CCDC116: variants seen among roughly 807,000 people sequenced by gnomAD.
CCDC116 encodes coiled-coil domain-containing protein 116.
In CCDC116, 24 loss-of-function variants were observed where a neutral mutation model predicts 29.4. The ratio of observed to expected loss-of-function variants is 0.82; its 90% confidence interval spans 0.59 to 1.15. The LOEUF (loss-of-function observed/expected upper bound fraction) is 1.15, where lower values mean the gene tolerates loss of function less well. Among genes scored for constraint, CCDC116 ranks in the 50% most tolerant of loss-of-function variants. The probability of loss-of-function intolerance (pLI) is 0.00; values close to 1 mark genes in which losing one functional copy is unlikely to be tolerated. For synonymous variants in CCDC116, 298 were observed against 331.4 expected, an observed-to-expected ratio of 0.90 and a Z score of 1.10; for missense variants, 791 against 804.0, an observed-to-expected ratio of 0.98 and a Z score of 0.20.
chr22:21,635,334 C>T, intron 4 of CCDC116, 68 bp downstream of exon 4: 1 of 1,355,736 alleles, frequency 7.4e-7, no homozygotes, highest in Non-Finnish European at 1.0e-6. Context: ...GCACCTGACT[C>T]AGATCCCAAA....
Position 21,634,482 on chromosome 22 carries a change from T to A in CCDC116, c.533T>A (p.Leu178Gln), listed in dbSNP as rs1266079990. Reference sequence around the variant, plus strand: ...GGCTCCCACAGCCGGGACAGTGACCTAGGTGCCCAAGGCTCATTGCCACCT... The same window carrying A: ...GGCTCCCACAGCCGGGACAGTGACCAAGGTGCCCAAGGCTCATTGCCACCT... ...CLGSHSRDSD[L>Q]GAQGSLPPVR... Residue 178 changes from leucine (L) to glutamine (Q), a missense_variant, in exon 3 of 5, where the codon CTA (leucine) becomes CAA (glutamine). By Grantham distance (113) the Leu-to-Gln change is moderately radical. Coordinates refer to ENST00000292779, the MANE Select transcript of CCDC116 (RefSeq NM_152612.3). 2 of 1,614,134 alleles carry A rather than the reference T, an allele frequency of 1.2e-6. No individual in the cohort carries two copies. Among genetic ancestry groups the A allele is most frequent in the Non-Finnish European group, 8.5e-7 (1 of 1,180,014 alleles).
At chr22:21,633,886 G>A in intron 2 of CCDC116, 136 bp from the exon 3 acceptor site, 1 of 849,658 alleles carries the variant, frequency 1.2e-6, no homozygotes, top group South Asian at 1.7e-5. Flanking sequence ...GCAGAGCCAG[G>A]GTCCAAACCC....
At chr22:21,633,091 C>G in intron 1 of CCDC116, 29 bp from the exon 2 acceptor site, 1 of 1,037,550 alleles carries the variant, frequency 9.6e-7, no homozygotes, top group Non-Finnish European at 1.5e-6. Flanking sequence ...CTATTGGAGA[C>G]CCTCAGGTTG....
chr22:21,634,245 C>A lies in CCDC116; in HGVS notation c.296C>A (p.Ala99Asp), dbSNP rs1930676124. The A allele has an allele frequency of 6.2e-7, 1 of 1,614,186 alleles. No individual in the cohort carries two copies. The change falls in exon 3 of 5, where the codon GCC becomes GAC. Residue 99 changes from alanine (A) to aspartate (D), a missense_variant. Physicochemically the swap from Ala to Asp is moderately radical, Grantham distance 126. Transcript: ENST00000292779. ...GAGAAGGCGACTGAGCGCATGGCTG[C>A]CATGAAGACGGAGGCTGGGGTGCCG... ...VVEKATERMA[A>D]MKTEAGVPLV...
At position 21,635,222 on chromosome 22, in the gene CCDC116, C is replaced by T. The variant is rs1356623525; in HGVS notation, c.1159C>T (p.Pro387Ser). Residue 387 changes from proline to serine, a missense_variant, in exon 4 of 5, where the codon CCC becomes TCC. Transcript: ENST00000292779. ...QRKRKDRGGS[P>S]SMSSAQVATR... ...AAAACGCAAGGACAGAGGAGGCTCC[C>T]CCTCCATGTCTAGTGCCCAGGTGGC... 6.3e-7 allele frequency: 1 copy of T among 1,599,798 alleles called. No homozygotes were observed.
chr22:21,636,458 G>A lies in CCDC116; in HGVS notation c.1230G>A (p.Thr410=), dbSNP rs372460387. The change falls in exon 5 of 5, where the codon ACG becomes ACA. Residue 410 remains threonine (T), a synonymous_variant. Transcript: ENST00000292779. ...LKSPCSSSRF[T]KKKPLPSISS... Reference sequence around the variant, plus strand: ...GCCCCTGCAGCAGCAGCAGGTTCACGAAGAAGAAGCCGCTGCCCTCCATCT... The same window carrying A: ...GCCCCTGCAGCAGCAGCAGGTTCACAAAGAAGAAGCCGCTGCCCTCCATCT... 20 of 1,613,314 alleles carry A rather than the reference G, an allele frequency of 1.2e-5. No individual in the cohort carries two copies. Among genetic ancestry groups the A allele is most frequent in the African/African-American group, 1.2e-4 (9 of 74,894 alleles).
In CCDC116 at chr22:21,636,775, C is replaced by T. The variant is rs779224760; in HGVS notation, c.1547C>T (p.Thr516Ile). The change falls in exon 5 of 5, where the codon ACC becomes ATC. Residue 516 changes from threonine to isoleucine, a missense_variant. Coordinates refer to ENST00000292779, the MANE Select transcript of CCDC116 (RefSeq NM_152612.3). ...GCCCGGCAGGCCTCCCGGCTCAGCACCTCCCACTGCAGCACAGAGACACCC... is the reference window on the plus strand; with the variant it reads ...GCCCGGCAGGCCTCCCGGCTCAGCATCTCCCACTGCAGCACAGAGACACCC... ...KRARQASRLS[T>I]SHCSTETPSV... The T allele has an allele frequency of 3.1e-6, 5 of 1,612,814 alleles. No individual in the cohort carries two copies. The South Asian group carries it at 4.4e-5, about 14-fold the overall frequency.
chr22:21,633,193 C>A lies in CCDC116; in HGVS notation c.12C>A (p.Cys4Ter). 6.4e-7 allele frequency: 1 copy of A among 1,550,612 alleles called. No homozygotes were observed. Among genetic ancestry groups the A allele is most frequent in the Non-Finnish European group, 8.7e-7 (1 of 1,146,894 alleles). The change falls in exon 2 of 5, where the codon TGC (cysteine) becomes TGA (stop). Residue 4 changes from cysteine (C) to a stop codon, truncating the protein, a stop_gained. Transcript: ENST00000292779. LOFTEE classifies it high-confidence loss of function. ...TGCCAGGTGACCACATGGCCAGGTG[C>A]CGCCACCACTCGGGTTACCTGGCCG... MAR[C>*]RHHSGYLADD...
chr22:21,634,871 C>T lies in CCDC116; in HGVS notation c.808C>T (p.Arg270Ter), dbSNP rs777433286. 16 of 1,613,834 alleles carry T rather than the reference C, an allele frequency of 9.9e-6. No homozygotes were observed. Among genetic ancestry groups the T allele is most frequent in the African/African-American group, 1.3e-5 (1 of 74,912 alleles). ...PGEQEPIFRKREFNKEIKSLL... is the reference protein window; with the variant it reads ...PGEQEPIFRK ...AGAACAGGAGCCAATCTTCCGCAAG[C>T]GAGAGTTCAATAAGGAGATCAAGTC... is the stretch of plus-strand genomic sequence containing the variant. Residue 270 changes from arginine (R) to a stop codon, truncating the protein, a stop_gained, in exon 4 of 5, where the codon CGA (arginine) becomes TGA (stop). Coordinates refer to ENST00000292779, the MANE Select transcript of CCDC116 (RefSeq NM_152612.3). LOFTEE classifies it high-confidence loss of function.
At position 21,634,345 on chromosome 22, in the gene CCDC116, C is replaced by T. The variant is rs1185956098; in HGVS notation, c.396C>T (p.Thr132=). 1.4e-5 allele frequency: 23 copies of T among 1,612,458 alleles called. No homozygotes were observed. Among genetic ancestry groups the T allele is most frequent in the East Asian group, 4.5e-5 (2 of 44,856 alleles). The change falls in exon 3 of 5, where the codon ACC becomes ACT. Residue 132 remains threonine, a synonymous_variant. Transcript: ENST00000292779. ...CACATGCCCGGCCCAGCCTCAGCAC[C>T]GTACACCGGCACCGTGTACGGCCGA... ...RRAHARPSLS[T]VHRHRVRPTL... is the part of the protein sequence containing the mutation.
Position 21,634,523 on chromosome 22 carries a change from C to T in CCDC116, c.574C>T (p.Leu192=). The T allele has an allele frequency of 6.2e-6, 10 of 1,611,646 alleles. No individual in the cohort carries two copies. Among genetic ancestry groups the T allele is most frequent in the Non-Finnish European group, 7.6e-6 (9 of 1,178,040 alleles). ...GSLPPVRDKL[L]LEKNLKRLLQ... ...ATTGCCACCTGTGAGGGACAAACTCCTGCTGGAGAAGAACCTCAAGCGGCT... is the reference window on the plus strand; with the variant it reads ...ATTGCCACCTGTGAGGGACAAACTCTTGCTGGAGAAGAACCTCAAGCGGCT... The change falls in exon 3 of 5, where the codon CTG becomes TTG. Residue 192 remains leucine, a synonymous_variant. Coordinates refer to ENST00000292779, the MANE Select transcript of CCDC116 (RefSeq NM_152612.3).
Position 21,634,302 on chromosome 22 carries a change from CA to C in CCDC116, c.355del (p.Ser119ValfsTer60), listed in dbSNP as rs1930682215. ...GAGGTGCAGGACCCAGTGGAGGTGC[CA>C]AGTGGTGGACGGCGGGCACATGCCC... ...LVEVQDPVEV[P>X]SGGRRAHARP... On this transcript the variant is annotated frameshift_variant, in exon 3 of 5. Transcript: ENST00000292779. LOFTEE classifies it high-confidence loss of function. 6.2e-7 allele frequency: 1 copy of C among 1,613,344 alleles called. No homozygotes were observed. The highest frequency in any genetic ancestry group is 8.5e-7 in the Non-Finnish European group (1 of 1,179,946).
chr22:21,635,283 A>G lies in CCDC116; in HGVS notation c.1203+17A>G, dbSNP rs1448319226. The G allele has an allele frequency of 3.2e-6, 5 of 1,586,116 alleles. No individual in the cohort carries two copies. The South Asian group carries it at 5.5e-5, about 18-fold the overall frequency. ...AAACTCAAGGTGACACCCACGGAGA[A>G]GCCCAATGTCCCCAGCCCCTCACTC... On this transcript the variant is annotated intron_variant, in intron 4 of 4. Coordinates refer to ENST00000292779, the MANE Select transcript of CCDC116 (RefSeq NM_152612.3).
chr22:21,634,275 T>A lies in CCDC116; in HGVS notation c.326T>A (p.Val109Glu). The A allele has an allele frequency of 3.7e-6, 6 of 1,613,796 alleles. No individual in the cohort carries two copies. The highest frequency in any genetic ancestry group is 5.1e-6 in the Non-Finnish European group (6 of 1,179,968). The change falls in exon 3 of 5, where the codon GTG becomes GAG. Residue 109 changes from valine to glutamate, a missense_variant. Physicochemically the swap from Val to Glu is moderately radical, Grantham distance 121. Transcript: ENST00000292779. ...AMKTEAGVPL[V>E]EVQDPVEVPS... ...AAGACGGAGGCTGGGGTGCCGCTTG[T>A]GGAGGTGCAGGACCCAGTGGAGGTG... is the stretch of plus-strand genomic sequence containing the variant.
Position 21,635,042 on chromosome 22 carries a change from G to T in CCDC116, c.979G>T (p.Ala327Ser), listed in dbSNP as rs747066746. 1 of 1,609,800 alleles carries T rather than the reference G, an allele frequency of 6.2e-7. No individual in the cohort carries two copies. Among genetic ancestry groups the T allele is most frequent in the South Asian group, 1.1e-5 (1 of 91,076 alleles). Residue 327 changes from alanine (A) to serine (S), a missense_variant, in exon 4 of 5, where the codon GCC (alanine) becomes TCC (serine). Physicochemically the swap from Ala to Ser is moderately conservative, Grantham distance 99. Coordinates refer to ENST00000292779, the MANE Select transcript of CCDC116 (RefSeq NM_152612.3). ...VSQAVDKLRG[A>S]HCRDGRPLFP... ...CCAGGCTGTGGATAAGCTCCGTGGCGCCCACTGCCGCGACGGCCGTCCTCT... is the reference window on the plus strand; with the variant it reads ...CCAGGCTGTGGATAAGCTCCGTGGCTCCCACTGCCGCGACGGCCGTCCTCT...
intron 4 of CCDC116, chr22:21,635,492 T>TC (rs1378069687): frequency 1.4e-6 from 1 of 703,080 alleles, no homozygotes; most frequent in Non-Finnish European, 2.6e-6. Context: ...TCCACTTTCC[T>TC]CCCCCTACCC....
chr22:21,634,910 C>G lies in CCDC116; in HGVS notation c.847C>G (p.Leu283Val). 1 of 1,614,006 alleles carries G rather than the reference C, an allele frequency of 6.2e-7. No individual in the cohort carries two copies. Among genetic ancestry groups the G allele is most frequent in the Non-Finnish European group, 8.5e-7 (1 of 1,180,026 alleles). ...GGAGATCAAGTCATTACTGAGCCAG[C>G]TGGAGTCCCTCGACCTGCCTGGCTA... is the stretch of plus-strand genomic sequence containing the variant. ...NKEIKSLLSQLESLDLPGYCP... is the reference protein window; with the variant it reads ...NKEIKSLLSQVESLDLPGYCP... Residue 283 changes from leucine (L) to valine (V), a missense_variant, in exon 4 of 5, where the codon CTG (leucine) becomes GTG (valine). Leu to Val is a conservative substitution (Grantham distance 32). Transcript: ENST00000292779.
In CCDC116 at chr22:21,634,316, C is replaced by G. The variant is rs781434365; in HGVS notation, c.367C>G (p.Arg123Gly). The G allele has an allele frequency of 6.2e-7, 1 of 1,612,444 alleles. No individual in the cohort carries two copies. Among genetic ancestry groups the G allele is most frequent in the Admixed American group, 1.7e-5 (1 of 59,974 alleles). ...AGTGGAGGTGCCAAGTGGTGGACGG[C>G]GGGCACATGCCCGGCCCAGCCTCAG... ...DPVEVPSGGR[R>G]AHARPSLSTV... is the part of the protein sequence containing the mutation. The change falls in exon 3 of 5, where the codon CGG becomes GGG. Residue 123 changes from arginine to glycine, a missense_variant. Arg to Gly is a moderately radical substitution (Grantham distance 125, BLOSUM62 -2). Coordinates refer to ENST00000292779, the MANE Select transcript of CCDC116 (RefSeq NM_152612.3).
In CCDC116 at chr22:21,635,254, A is replaced by T; in HGVS notation, c.1191A>T (p.Arg397Ser). 15 of 1,598,946 alleles carry T rather than the reference A, an allele frequency of 9.4e-6. No homozygotes were observed. Among genetic ancestry groups the T allele is most frequent in the Non-Finnish European group, 1.3e-5 (15 of 1,179,744 alleles). Residue 397 changes from arginine to serine, a missense_variant, in exon 4 of 5, where the codon AGA (arginine) becomes AGT (serine). Transcript: ENST00000292779. ...PSMSSAQVAT[R>S]FKLKSPCSSS... is the part of the protein sequence containing the mutation. The stretch of plus-strand genomic sequence containing the variant: ...TGTCTAGTGCCCAGGTGGCCACCAG[A>T]TTCAAACTCAAGGTGACACCCACGG...
Sources: gnomAD v4.1 joint callset for allele counts on GRCh38, gnomAD v4.1.1 for gene constraint, MANE v1.5 for transcripts, NCBI Gene and HGNC (gene_info 2026-07-23, HGNC 2026-07-21) for gene names.